The following OSBP2 variants were observed in gnomAD, a reference collection of about 807,000 sequenced individuals.
OSBP2 encodes oxysterol binding protein 2.
OSBP2 carries 66 observed loss-of-function variants against 96.0 expected under a neutral mutation model. The observed-to-expected ratio is 0.69, with a 90% confidence interval of 0.56 to 0.84. The LOEUF (loss-of-function observed/expected upper bound fraction) is 0.84. OSBP2 is among the 40% of genes least tolerant of loss of function. The pLI is 0.00. For synonymous variants in OSBP2, 525 were observed against 520.9 expected, an observed-to-expected ratio of 1.01 and a Z score of -0.11; for missense variants, 1,038 against 1,222.7, an observed-to-expected ratio of 0.85 and a Z score of 2.25.
intron 1 of OSBP2, among the ~76,000 whole-genome samples, chr22:30,739,374 T>G (rs1271674902): frequency 6.6e-6 from 1 of 152,218 alleles, no homozygotes. Context: ...TGGCCCCAGG[T>G]GCCTCCCAGC....
intron 1 of OSBP2, among the ~76,000 whole-genome samples, chr22:30,707,110 T>G (rs1346507791): frequency 6.6e-6 from 1 of 152,132 alleles, no homozygotes; most frequent in Non-Finnish European, 1.5e-5. Context: ...TGAAGCTTTT[T>G]TTTTTGAGAC....
chr22:30,875,831 G>A (rs1225189353), intron 3 of OSBP2, among the ~76,000 whole-genome samples: 2 of 152,250 alleles, frequency 1.3e-5, no homozygotes, highest in African/African-American at 4.8e-5. Flanking sequence ...ATGGGCATTT[G>A]ACATCAGACC....
chr22:30,886,980 G>A (rs960178292), intron 3 of OSBP2, among the ~76,000 whole-genome samples: 1 of 152,154 alleles, frequency 6.6e-6, no homozygotes, highest in East Asian at 1.9e-4. Context: ...TCCATAGATA[G>A]AGCAGCCCCC....
At chr22:30,754,875 C>A (rs990873680) in intron 2 of OSBP2, among the ~76,000 whole-genome samples, 1 of 152,198 alleles carries the variant, frequency 6.6e-6, no homozygotes, top group Non-Finnish European at 1.5e-5. Context: ...TCAAAGCCTC[C>A]CATTGCCATA....
upstream of OSBP2, chr22:30,694,861 G>A (rs2088993364): frequency 3.4e-6 from 3 of 888,936 alleles, no homozygotes; most frequent in East Asian, 3.9e-5. Context: ...CCCCCGGCCT[G>A]CCCCCCGCCC....
intron 5 of OSBP2, 99 bp downstream of exon 5, chr22:30,888,439 T>A (rs1602419803): frequency 1.3e-6 from 1 of 795,034 alleles, no homozygotes; most frequent in East Asian, 2.5e-5. Flanking sequence ...GGGTTTTCTT[T>A]CCTTTAAATC....
At chr22:30,755,557 C>A (rs1234665366) in intron 2 of OSBP2, among the ~76,000 whole-genome samples, 1 of 152,160 alleles carries the variant, frequency 6.6e-6, no homozygotes. Context: ...CTTTTGACTT[C>A]GGGAAGCTTT....
At chr22:30,806,820 G>A (rs2090935890) in intron 2 of OSBP2, among the ~76,000 whole-genome samples, 1 of 152,064 alleles carries the variant, frequency 6.6e-6, no homozygotes, top group Non-Finnish European at 1.5e-5. Context: ...GCTCCATCTG[G>A]CCCCTGCTGG....
intron 3 of OSBP2, among the ~76,000 whole-genome samples, chr22:30,880,546 G>A (rs1241902949): frequency 1.3e-4 from 20 of 152,156 alleles, no homozygotes; most frequent in Admixed American, 1.2e-3. Context: ...CAGGCCTCTG[G>A]TGCCTCCCTC....
intron 1 of OSBP2, among the ~76,000 whole-genome samples, chr22:30,705,357 G>A (rs1037991327): frequency 6.6e-6 from 1 of 151,884 alleles, no homozygotes; most frequent in Non-Finnish European, 1.5e-5. Context: ...GCAGTGGCGC[G>A]ATCTCAGCTC....
At chr22:30,769,058 G>C (rs1283001114) in intron 2 of OSBP2, among the ~76,000 whole-genome samples, 2 of 152,232 alleles carry the variant, frequency 1.3e-5, no homozygotes, top group Non-Finnish European at 2.9e-5. Context: ...GCTTTGACTG[G>C]AGATGGTCAT....
chr22:30,894,090 G>A (rs1007724468), intron 12 of OSBP2, 89 bp downstream of exon 12: 6 of 1,199,238 alleles, frequency 5.0e-6, no homozygotes, highest in Admixed American at 2.1e-5. Flanking sequence ...ACAGGAGGTC[G>A]GGAGGGTTCA....
At chr22:30,750,312 C>A (rs892160965) in intron 2 of OSBP2, among the ~76,000 whole-genome samples, 8 of 152,144 alleles carry the variant, frequency 5.3e-5, no homozygotes, top group African/African-American at 1.9e-4. Flanking sequence ...GCTCCAGTTC[C>A]CTGTCTTTGG....
At position 30,821,352 on chromosome 22, in the gene OSBP2, G is replaced by A. The variant is rs899528299; in HGVS notation, c.854-49077G>A. Among the ~76,000 whole-genome samples the A allele has an allele frequency of 2.0e-5, 3 of 152,322 alleles. No individual in the cohort carries two copies. The East Asian group carries it at 5.8e-4, about 29-fold the overall frequency. ...AGGGAGATTGTGTAAGAGTCCACAG[G>A]CAAGACGAGGGCGTAGCAGGCCCCA... On this transcript the variant is annotated intron_variant, in intron 2 of 13. Transcript: ENST00000332585.
intron 1 of OSBP2, among the ~76,000 whole-genome samples, chr22:30,715,772 G>C (rs1257270983): frequency 2.0e-5 from 3 of 151,382 alleles, no homozygotes; most frequent in Admixed American, 2.0e-4. Flanking sequence ...GGCCAGGCTG[G>C]TCTTGAACTC....
At chr22:30,863,550 T>TG (rs1227048685) in intron 2 of OSBP2, among the ~76,000 whole-genome samples, 3 of 152,130 alleles carry the variant, frequency 2.0e-5, no homozygotes, top group Non-Finnish European at 4.4e-5. Flanking sequence ...TGCCCTGCTC[T>TG]GGGGGTCTGG....
intron 2 of OSBP2, among the ~76,000 whole-genome samples, chr22:30,751,539 G>T (rs2090073853): frequency 6.6e-6 from 1 of 152,024 alleles, no homozygotes; most frequent in Non-Finnish European, 1.5e-5. Flanking sequence ...ATTTTTAGTA[G>T]AGACGGGGTT....
At chr22:30,768,137 G>A (rs2090300623) in intron 2 of OSBP2, among the ~76,000 whole-genome samples, 1 of 152,146 alleles carries the variant, frequency 6.6e-6, no homozygotes, top group African/African-American at 2.4e-5. Flanking sequence ...GAATGCATGT[G>A]CAGAGCTCAA....
intron 2 of OSBP2, among the ~76,000 whole-genome samples, chr22:30,807,186 C>T (rs1283945198): frequency 6.6e-6 from 1 of 152,178 alleles, no homozygotes. Flanking sequence ...TTGCCATTTT[C>T]AGTTACTGGC....
Sources: allele counts gnomAD v4.1 joint callset (sites outside exome capture counted in the v4.1 genomes callset), GRCh38; gene constraint gnomAD v4.1.1; transcripts MANE v1.5; gene names NCBI Gene and HGNC (gene_info 2026-07-23, HGNC 2026-07-21).